Variants in DDX10 observed in about 807,000 individuals in gnomAD.
DDX10 encodes the protein DEAD-box helicase 10.
In DDX10, 74 loss-of-function variants were observed where a neutral mutation model predicts 104.3. The ratio of observed to expected loss-of-function variants is 0.71; its 90% CI spans 0.59 to 0.86. The LOEUF is 0.86. DDX10 is among the 40% of genes least tolerant of loss of function. DDX10 has a pLI of 0.00. For missense variants in DDX10, 952 were observed against 1,040.0 expected (o/e 0.92, Z 1.16); for synonymous variants, 351 against 353.4 (o/e 0.99, Z 0.08).
At chr11:108,860,162 G>C (rs956341703) in intron 16 of DDX10, among the ~76,000 whole-genome samples, 4 of 152,134 alleles carry the variant, frequency 2.6e-5, no homozygotes, top group African/African-American at 9.7e-5. Flanking sequence ...GGTTTTCCAT[G>C]TTATTACTAG....
intron 16 of DDX10, among the ~76,000 whole-genome samples, chr11:108,876,550 A>C (rs2134628178): frequency 6.6e-6 from 1 of 152,312 alleles, no homozygotes; most frequent in Admixed American, 6.5e-5. Context: ...TTTGAGACAC[A>C]TAGACCTGGA....
intron 13 of DDX10, among the ~76,000 whole-genome samples, chr11:108,751,225 T>C (rs2094338319): frequency 6.6e-6 from 1 of 152,108 alleles, no homozygotes; most frequent in African/African-American, 2.4e-5. Context: ...TGTCTCAAAA[T>C]TTATAAGTAA....
intron 13 of DDX10, among the ~76,000 whole-genome samples, chr11:108,783,599 G>A (rs1861742998): frequency 6.6e-6 from 1 of 152,166 alleles, no homozygotes; most frequent in South Asian, 2.1e-4. Context: ...AGGAGGATGT[G>A]GGAGGGGTTA....
At chr11:108,801,474 A>C (rs183837802) in intron 13 of DDX10, among the ~76,000 whole-genome samples, 3 of 152,194 alleles carry the variant, frequency 2.0e-5, no homozygotes, top group Non-Finnish European at 4.4e-5. Flanking sequence ...TGTAAAGAAA[A>C]GTCTGCAAGA....
At chr11:108,784,704 C>T (rs550380303) in intron 13 of DDX10, among the ~76,000 whole-genome samples, 9 of 152,164 alleles carry the variant, frequency 5.9e-5, no homozygotes, top group African/African-American at 1.7e-4. Context: ...AATTAGGTCC[C>T]GTTTATCAAT....
At chr11:108,785,453 G>C (rs997792723) in intron 13 of DDX10, among the ~76,000 whole-genome samples, 1 of 152,064 alleles carries the variant, frequency 6.6e-6, no homozygotes, top group Admixed American at 6.6e-5. Context: ...GATGATGCTG[G>C]GTTCATAGAA....
chr11:108,726,879 G>A (rs1483174793), intron 13 of DDX10, among the ~76,000 whole-genome samples: 1 of 151,982 alleles, frequency 6.6e-6, no homozygotes, highest in Non-Finnish European at 1.5e-5. Flanking sequence ...AGCTGGCTTA[G>A]TGTTTTTATG....
In DDX10 at chr11:108,691,988, G is replaced by T. The variant is rs199899756; in HGVS notation, c.1088G>T (p.Arg363Leu). 2 of 1,613,982 alleles carry T rather than the reference G, an allele frequency of 1.2e-6. No homozygotes were observed. Among genetic ancestry groups the T allele is most frequent in the Non-Finnish European group, 8.5e-7 (1 of 1,179,936 alleles). The change falls in exon 8 of 18, where the codon CGT (arginine) becomes CTT (leucine). Residue 363 changes from arginine (R) to leucine (L), a missense_variant. Arg to Leu is a moderately radical substitution (Grantham distance 102). Transcript: ENST00000322536. ...ATGGAAGTCTATAATGAGTTTGTCCGTAAGAGAGCTGCAGTACTCTTTGCT... is the reference window on the plus strand; with the variant it reads ...ATGGAAGTCTATAATGAGTTTGTCCTTAAGAGAGCTGCAGTACTCTTTGCT... ...RRMEVYNEFV[R>L]KRAAVLFATD...
chr11:108,926,070 C>A (rs1015874911), intron 17 of DDX10, among the ~76,000 whole-genome samples: 1 of 151,748 alleles, frequency 6.6e-6, no homozygotes, highest in South Asian at 2.1e-4. Context: ...CTGAGGAGCA[C>A]AAAATGTTCT....
chr11:108,709,564 T>A (rs1022907979), intron 10 of DDX10, among the ~76,000 whole-genome samples: 1 of 152,250 alleles, frequency 6.6e-6, no homozygotes, highest in African/African-American at 2.4e-5. Context: ...ATCAAATATG[T>A]GGGCATAGAG....
intron 9 of DDX10, among the ~76,000 whole-genome samples, chr11:108,701,420 C>T (rs2094267724): frequency 6.6e-6 from 1 of 152,084 alleles, no homozygotes; most frequent in Non-Finnish European, 1.5e-5. Flanking sequence ...AGAGCGTAAC[C>T]AACAAATGTC....
chr11:108,797,039 A>T (rs1276129260), intron 13 of DDX10, among the ~76,000 whole-genome samples: 1 of 144,538 alleles, frequency 6.9e-6, no homozygotes, highest in African/African-American at 2.5e-5. Flanking sequence ...CCCTCTTCTA[A>T]TTTTTTTTTT....
intron 15 of DDX10, among the ~76,000 whole-genome samples, chr11:108,849,182 C>A (rs1426575000): frequency 6.6e-6 from 1 of 152,090 alleles, no homozygotes; most frequent in African/African-American, 2.4e-5. Context: ...ATCTTTGGGA[C>A]TTAACCATTC....
At chr11:108,901,918 C>T (rs1306418852) in intron 16 of DDX10, among the ~76,000 whole-genome samples, 1 of 152,144 alleles carries the variant, frequency 6.6e-6, no homozygotes, top group Non-Finnish European at 1.5e-5. Context: ...GCAAAACTGT[C>T]TGTGGGCATT....
chr11:108,683,955 ATAGAT>A (rs2094239130), intron 6 of DDX10, among the ~76,000 whole-genome samples: 1 of 152,090 alleles, frequency 6.6e-6, no homozygotes, highest in African/African-American at 2.4e-5. Context: ...TACTTAACTC[ATAGAT>A]TAAACATCTT....
intron 13 of DDX10, among the ~76,000 whole-genome samples, chr11:108,725,118 C>T (rs1591801996): frequency 6.6e-6 from 1 of 151,992 alleles, no homozygotes; most frequent in African/African-American, 2.4e-5. Flanking sequence ...TGTCTAGCTT[C>T]TTTCATTTAG....
At chr11:108,889,346 A>G (rs996592805) in intron 16 of DDX10, among the ~76,000 whole-genome samples, 3 of 151,964 alleles carry the variant, frequency 2.0e-5, no homozygotes, top group Admixed American at 1.3e-4. Flanking sequence ...ACTGTATAAA[A>G]CTCTAGTGAG....
chr11:108,700,330 CTTTGAGGTAGATTATGTCGATGA>C (rs1467679198), intron 9 of DDX10, among the ~76,000 whole-genome samples: 2 of 152,170 alleles, frequency 1.3e-5, no homozygotes, highest in Non-Finnish European at 2.9e-5. Context: ...TTCTCAGAGA[CTTTGAGGTAGATTATGTCGATGA>C]TTTCTCAGTT....
intron 16 of DDX10, among the ~76,000 whole-genome samples, chr11:108,872,884 C>G (rs193110836): frequency 6.9e-6 from 1 of 145,722 alleles, no homozygotes; most frequent in Non-Finnish European, 1.5e-5. Context: ...CTTTCACTTT[C>G]CCACTCCTCC....
Sources: allele counts gnomAD v4.1 joint callset (sites outside exome capture counted in the v4.1 genomes callset), GRCh38; gene constraint gnomAD v4.1.1; transcripts MANE v1.5; gene names NCBI Gene and HGNC (gene_info 2026-07-23, HGNC 2026-07-21).